Variants in ATXN1 observed in about 807,000 individuals in gnomAD.
ATXN1 encodes ataxin-1.
ATXN1 carries 8 observed loss-of-function variants against 56.4 expected under a neutral mutation model. That is an observed-to-expected ratio of 0.14 (90% CI 0.08 to 0.26). The LOEUF (loss-of-function observed/expected upper bound fraction) is 0.26, where lower values mean the gene tolerates loss of function less well. Ranked by LOEUF, ATXN1 falls within the 10% of genes least tolerant of loss-of-function variation. The pLI, the probability that ATXN1 is intolerant of heterozygous loss-of-function variation, is 1.00. For synonymous variants in ATXN1, 514 were observed against 494.6 expected (o/e 1.04, Z -0.52); for missense variants, 987 against 1,106.5 (o/e 0.89, Z 1.53).
chr6:16,353,816 G>C (rs1761623310), intron 6 of ATXN1, among the ~76,000 whole-genome samples: 1 of 152,226 alleles, frequency 6.6e-6, no homozygotes, highest in Admixed American at 6.5e-5. Flanking sequence ...TCGTGCATGA[G>C]GACATTACAG....
chr6:16,327,764 T>C lies in ATXN1; in HGVS notation c.547A>G (p.Asn183Asp), dbSNP rs1251441874. Reference sequence around the variant, plus strand: ...GGCGTCTGGCTCAGACTGCCCATGTTGGCCAGCAGAGTGGAATAGGCCTCC... The same window carrying C: ...GGCGTCTGGCTCAGACTGCCCATGTCGGCCAGCAGAGTGGAATAGGCCTCC... ...QLEAYSTLLA[N>D]MGSLSQTPGH... The change falls in exon 7 of 8, where the codon AAC becomes GAC. Residue 183 changes from asparagine (N) to aspartate (D), a missense_variant. Asn to Asp is a conservative substitution (Grantham distance 23). This residue lies in a region of ATXN1 where 723 missense variants were observed against 791.7 expected (regional missense o/e 0.91). Coordinates refer to ENST00000436367, the MANE Select transcript of ATXN1 (RefSeq NM_001128164.2). 6.2e-7 allele frequency: 1 copy of C among 1,609,558 alleles called. No homozygotes were observed. The highest frequency in any genetic ancestry group is 1.1e-5 in the South Asian group (1 of 91,072).
intron 1 of ATXN1, among the ~76,000 whole-genome samples, chr6:16,759,521 C>T (rs1190939095): frequency 8.2e-6 from 1 of 122,312 alleles, no homozygotes; most frequent in Non-Finnish European, 1.6e-5. Flanking sequence ...TAACCAGCTT[C>T]TTCCGACTGT....
intron 6 of ATXN1, among the ~76,000 whole-genome samples, chr6:16,367,163 T>G (rs988470608): frequency 1.2e-4 from 18 of 152,180 alleles, no homozygotes; most frequent in Admixed American, 1.2e-3. Context: ...CATACAAGTC[T>G]CATGGAAAGC....
chr6:16,550,155 C>CAA (rs70999336), intron 4 of ATXN1, among the ~76,000 whole-genome samples: 2 of 91,174 alleles, frequency 2.2e-5, no homozygotes, highest in Non-Finnish European at 4.6e-5. Context: ...AAATAAAATA[C>CAA]AAAAAAAAAA....
intron 2 of ATXN1, among the ~76,000 whole-genome samples, chr6:16,669,397 C>T (rs975140093): frequency 6.6e-6 from 1 of 152,162 alleles, no homozygotes; most frequent in African/African-American, 2.4e-5. Flanking sequence ...TTTTCAACAA[C>T]CACAAAGGTG....
intron 5 of ATXN1, among the ~76,000 whole-genome samples, chr6:16,495,003 T>C (rs1345484625): frequency 1.3e-5 from 2 of 151,978 alleles, no homozygotes; most frequent in Admixed American, 6.6e-5. Context: ...CAGAGGAGAG[T>C]TTTATTCATG....
intron 3 of ATXN1, among the ~76,000 whole-genome samples, chr6:16,602,468 T>TA (rs1224784618): frequency 7.2e-5 from 11 of 152,036 alleles, no homozygotes; most frequent in Non-Finnish European, 1.2e-4. Flanking sequence ...TTTTTTTTTT[T>TA]TTAGATGGAG....
chr6:16,365,861 C>T (rs973446345), intron 6 of ATXN1, among the ~76,000 whole-genome samples: 7 of 152,182 alleles, frequency 4.6e-5, no homozygotes, highest in Non-Finnish European at 1.0e-4. Flanking sequence ...CCTGTGTCTA[C>T]ATCTATATAT....
At chr6:16,571,620 C>T (rs1213755393) in intron 4 of ATXN1, among the ~76,000 whole-genome samples, 2 of 151,752 alleles carry the variant, frequency 1.3e-5, no homozygotes, top group East Asian at 3.9e-4. Flanking sequence ...GCCTCCTGAG[C>T]AGCTAGGACT....
intron 6 of ATXN1, among the ~76,000 whole-genome samples, chr6:16,469,358 G>A (rs1327180487): frequency 6.6e-6 from 1 of 152,230 alleles, no homozygotes; most frequent in Non-Finnish European, 1.5e-5. Context: ...AACTAGGCAA[G>A]GGGTTAAAGA....
At chr6:16,575,488 T>TTATTCTAAGCTGTAGCTAGA (rs1217790369) in intron 4 of ATXN1, among the ~76,000 whole-genome samples, 1 of 152,248 alleles carries the variant, frequency 6.6e-6, no homozygotes, top group African/African-American at 2.4e-5. Context: ...CCTTACCCAG[T>TTATTCTAAGCTGTAGCTAGA]TATTCTAAGC....
At position 16,516,097 on chromosome 6, in the gene ATXN1, T is replaced by C. The variant is rs1360761147; in HGVS notation, c.-299+6530A>G. Among the ~76,000 whole-genome samples, 3 of 152,358 alleles carry C rather than the reference T, an allele frequency of 2.0e-5. No individual in the cohort carries two copies. In the East Asian group the frequency reaches 5.8e-4, roughly 29 times the overall value. On this transcript the variant is annotated intron_variant, in intron 5 of 7. Transcript: ENST00000436367. Reference sequence around the variant, plus strand: ...GTTTAGCCACCTGCTAAATTGAGTTTAATTTGCCCGTGTCCTTATGATTGT... The same window carrying C: ...GTTTAGCCACCTGCTAAATTGAGTTCAATTTGCCCGTGTCCTTATGATTGT...
intron 5 of ATXN1, among the ~76,000 whole-genome samples, chr6:16,498,163 C>T (rs1426234298): frequency 6.6e-6 from 1 of 152,118 alleles, no homozygotes; most frequent in East Asian, 1.9e-4. Context: ...TCCTCTCAGC[C>T]CCTGGCAAAG....
chr6:16,655,023 T>A (rs111969171), intron 3 of ATXN1, among the ~76,000 whole-genome samples: 2,273 of 152,202 alleles, frequency 0.015, 28 homozygotes, highest in Middle Eastern at 0.065. Flanking sequence ...TTTCTGAAGC[T>A]CTGCTTCAGA....
At chr6:16,667,904 G>T (rs2113376891) in intron 2 of ATXN1, among the ~76,000 whole-genome samples, 1 of 152,170 alleles carries the variant, frequency 6.6e-6, no homozygotes, top group East Asian at 1.9e-4. Flanking sequence ...CAAGACATTT[G>T]TCTTTCTATA....
chr6:16,714,859 T>A (rs538751560), intron 2 of ATXN1, among the ~76,000 whole-genome samples: 1 of 152,298 alleles, frequency 6.6e-6, no homozygotes. Flanking sequence ...TTACGGGGCG[T>A]GGAATTTGCC....
chr6:16,426,329 C>T (rs1759153942), intron 6 of ATXN1, among the ~76,000 whole-genome samples: 1 of 152,002 alleles, frequency 6.6e-6, no homozygotes, highest in Non-Finnish European at 1.5e-5. Context: ...GTGAAGCCAG[C>T]CAGGCAAATG....
chr6:16,735,482 T>C (rs1430317346), intron 2 of ATXN1, among the ~76,000 whole-genome samples: 1 of 152,326 alleles, frequency 6.6e-6, no homozygotes, highest in South Asian at 2.1e-4. Context: ...CCCAAATGAA[T>C]GGAGGAAACA....
At chr6:16,438,558 G>A (rs1039553151) in intron 6 of ATXN1, among the ~76,000 whole-genome samples, 1 of 152,180 alleles carries the variant, frequency 6.6e-6, no homozygotes, top group African/African-American at 2.4e-5. Context: ...AATTAGAAAT[G>A]AGAAGTCCTA....
Sources: gnomAD v4.1 joint callset for allele counts (sites outside exome capture counted in the v4.1 genomes callset) on GRCh38, gnomAD v4.1.1 for gene constraint, gnomAD v4.1.1 regional missense constraint, MANE v1.5 for transcripts, NCBI Gene and HGNC (gene_info 2026-07-23, HGNC 2026-07-21) for gene names.